ANO1: variants seen among roughly 807,000 people sequenced by gnomAD.
ANO1 encodes the protein anoctamin 1.
A neutral mutation model predicts 124.0 loss-of-function variants in ANO1; 59 were observed. The observed-to-expected ratio is 0.48, with a 90% CI of 0.39 to 0.59. The LOEUF is 0.59. Among genes scored for constraint, ANO1 ranks in the 20% least tolerant of loss-of-function variants. ANO1 has a pLI of 0.00. For synonymous variants in ANO1, 529 were observed against 532.0 expected (o/e 0.99, Z 0.08); for missense variants, 1,059 against 1,328.0 (o/e 0.80, Z 3.15).
intron 1 of ANO1, among the ~76,000 whole-genome samples, chr11:70,072,116 G>A (rs957904865): frequency 2.0e-5 from 3 of 152,196 alleles, no homozygotes; most frequent in Admixed American, 6.5e-5. Context: ...AGGAGGACGA[G>A]GTCTTCGGCG....
chr11:70,157,661 G>T (rs1046556146), intron 16 of ANO1, among the ~76,000 whole-genome samples: 9 of 152,220 alleles, frequency 5.9e-5, no homozygotes, highest in Admixed American at 6.5e-5. Context: ...GGGATTCAAA[G>T]ATATCATTTA....
chr11:70,167,127 A>C, intron 20 of ANO1, 115 bp from the exon 21 acceptor site: 1 of 1,360,868 alleles, frequency 7.3e-7, no homozygotes, highest in Non-Finnish European at 9.9e-7. Flanking sequence ...AGCCTGAGCA[A>C]AAAGAGTGAA....
At position 70,137,195 on chromosome 11, in the gene ANO1, G is replaced by A. The variant is rs559567584; in HGVS notation, c.1258+5116G>A. On this transcript the variant is annotated intron_variant, in intron 11 of 25. Coordinates refer to ENST00000355303, the MANE Select transcript of ANO1 (RefSeq NM_018043.7). ...GCAGTCTGTCACCGCTGAAGCACAC[G>A]TGCCAGAGCTCCCGTTGTTTATCAC... Among the ~76,000 whole-genome samples the A allele has an allele frequency of 1.8e-4, 26 of 146,932 alleles. 3 individuals carry two copies. Among genetic ancestry groups the A allele is most frequent in the Non-Finnish European group, 3.5e-4 (23 of 66,038 alleles).
intron 16 of ANO1, among the ~76,000 whole-genome samples, chr11:70,158,934 C>G (rs1196890654): frequency 6.6e-6 from 1 of 152,044 alleles, no homozygotes; most frequent in East Asian, 1.9e-4. Flanking sequence ...TCCCCTCTGG[C>G]CAGGTGCCAG....
At chr11:70,002,480 C>T (rs1313929964) in intron 1 of ANO1, among the ~76,000 whole-genome samples, 3 of 80,884 alleles carry the variant, frequency 3.7e-5, no homozygotes, top group African/African-American at 1.1e-4. Flanking sequence ...AAAAAAAACA[C>T]CAAAAAAACA....
At chr11:70,014,842 CTTTTT>C (rs782359596) in intron 1 of ANO1, 1 of 112,322 alleles carries the variant, frequency 8.9e-6, no homozygotes, top group Admixed American at 9.2e-5. Flanking sequence ...TTTTTTTTTT[CTTTTT>C]TTTTTTTTTA....
the ANO1 span, among the ~76,000 whole-genome samples, chr11:69,976,185 T>G: frequency 6.6e-6 from 1 of 152,076 alleles, no homozygotes; most frequent in South Asian, 2.1e-4. Context: ...CTGTATCAAG[T>G]TAAAATGAGG....
intron 1 of ANO1, among the ~76,000 whole-genome samples, chr11:70,061,288 T>C (rs1042113717): frequency 2.6e-5 from 4 of 152,050 alleles, no homozygotes; most frequent in Admixed American, 2.0e-4. Flanking sequence ...CATCAAAATA[T>C]TGAATAAGGT....
At chr11:70,172,272 G>T (rs946140561) in intron 22 of ANO1, among the ~76,000 whole-genome samples, 4 of 152,086 alleles carry the variant, frequency 2.6e-5, no homozygotes, top group Admixed American at 2.6e-4. Context: ...TGTCCAGGAG[G>T]GTGAGGGGTA....
chr11:70,178,062 A>C (rs929476733), intron 22 of ANO1, among the ~76,000 whole-genome samples: 1 of 152,184 alleles, frequency 6.6e-6, no homozygotes, highest in African/African-American at 2.4e-5. Flanking sequence ...GGCTTTCTGC[A>C]CTCGTGCAGT....
At chr11:70,037,392 G>T (rs1484673152) in intron 1 of ANO1, among the ~76,000 whole-genome samples, 1 of 152,078 alleles carries the variant, frequency 6.6e-6, no homozygotes, top group East Asian at 1.9e-4. Context: ...AGCAAGATAT[G>T]ATTACAAATG....
intron 2 of ANO1, among the ~76,000 whole-genome samples, chr11:70,102,565 G>A (rs921999133): frequency 6.6e-6 from 1 of 152,228 alleles, no homozygotes; most frequent in Admixed American, 6.5e-5. Context: ...ACCTGGAGCA[G>A]GCAGAGGTGT....
At chr11:70,014,829 G>GTTTTTTTTTTTCTTTTTTTTTTTTTTTTT (rs1856671760) in intron 1 of ANO1, 1 of 140,580 alleles carries the variant, frequency 7.1e-6, no homozygotes, top group African/African-American at 2.6e-5. Context: ...TTTTGTTTTT[G>GTTTTTTTTTTTCTTTTTTTTTTTTTTTTT]TTTTTTTTTT....
chr11:70,086,296 C>T (rs1486340570), intron 1 of ANO1, among the ~76,000 whole-genome samples: 5 of 152,190 alleles, frequency 3.3e-5, no homozygotes, highest in African/African-American at 7.2e-5. Flanking sequence ...TCTTGATAAC[C>T]GGCCAAACCC....
In ANO1 at chr11:70,153,261, C is replaced by T. The variant is rs975438946; in HGVS notation, c.1425+133C>T. 42 of 793,574 alleles carry T rather than the reference C, an allele frequency of 5.3e-5. No homozygotes were observed. In the East Asian group the frequency reaches 1.1e-3, roughly 21 times the overall value. 49.2% of individuals were successfully genotyped at this position (793,574 alleles called of 1,614,324 possible). A position where few individuals can be genotyped will look rare whatever the true frequency, so the allele number is the denominator to read the frequency against. ...CCGTGTTGCGGCTGCTCAACTCTGC[C>T]ATGGTAGCGGCAAAAGGAGCCATAG... is the stretch of plus-strand genomic sequence containing the variant. On this transcript the variant is annotated intron_variant, in intron 14 of 25. Coordinates refer to ENST00000355303, the MANE Select transcript of ANO1 (RefSeq NM_018043.7).
intron 16 of ANO1, among the ~76,000 whole-genome samples, chr11:70,158,982 C>T (rs1263772448): frequency 1.3e-5 from 2 of 152,112 alleles, no homozygotes; most frequent in African/African-American, 4.8e-5. Flanking sequence ...CTCCCCATCC[C>T]TCACCCAGGG....
At chr11:70,174,411 A>C (rs773312386) in intron 22 of ANO1, among the ~76,000 whole-genome samples, 1 of 152,018 alleles carries the variant, frequency 6.6e-6, no homozygotes, top group Non-Finnish European at 1.5e-5. Flanking sequence ...TAAATTTAAA[A>C]AGCCATTTTT....
chr11:70,033,676 C>T (rs1242435878), intron 1 of ANO1, among the ~76,000 whole-genome samples: 1 of 152,058 alleles, frequency 6.6e-6, no homozygotes, highest in Non-Finnish European at 1.5e-5. Flanking sequence ...CTTCAAGGAA[C>T]TCACAGATGT....
At chr11:70,122,959 GTAAA>G (rs1370896959) in intron 8 of ANO1, among the ~76,000 whole-genome samples, 30 of 152,378 alleles carry the variant, frequency 2.0e-4, no homozygotes, top group African/African-American at 7.2e-4. Flanking sequence ...TATGTACACA[GTAAA>G]ACTGTGGCCT....
Sources: allele counts gnomAD v4.1 joint callset (sites outside exome capture counted in the v4.1 genomes callset), GRCh38; gene constraint gnomAD v4.1.1; transcripts MANE v1.5; gene names NCBI Gene and HGNC (gene_info 2026-07-23, HGNC 2026-07-21).